ROR1: variants seen among roughly 807,000 people sequenced by gnomAD.
The protein encoded by ROR1 is inactive tyrosine-protein kinase transmembrane receptor ROR1.
ROR1 carries 19 observed loss-of-function variants against 78.8 expected under a neutral mutation model. That is an observed-to-expected ratio of 0.24 (90% CI 0.17 to 0.35). ROR1 has a LOEUF of 0.35. Among genes scored for constraint, ROR1 ranks in the 10% least tolerant of loss-of-function variants. The probability of loss-of-function intolerance (pLI) is 1.00; values close to 1 mark genes in which losing one functional copy is unlikely to be tolerated. For synonymous variants in ROR1, 386 were observed against 433.6 expected, an observed-to-expected ratio of 0.89 and a Z score of 1.36; for missense variants, 917 against 1,177.8, an observed-to-expected ratio of 0.78 and a Z score of 3.24.
intron 4 of ROR1, among the ~76,000 whole-genome samples, chr1:64,074,561 C>G (rs1332641661): frequency 1.3e-5 from 2 of 152,116 alleles, no homozygotes; most frequent in African/African-American, 4.8e-5. Context: ...GATCTGTGGA[C>G]AAGAAATGAA....
intron 1 of ROR1, among the ~76,000 whole-genome samples, chr1:63,803,009 CT>C (rs935308651): frequency 6.6e-5 from 10 of 152,214 alleles, no homozygotes; most frequent in Non-Finnish European, 1.3e-4. Flanking sequence ...TTGCACTCTT[CT>C]TTTTGTACTA....
In ROR1 at chr1:64,179,004, G is replaced by A; in HGVS notation, c.*149G>A. 1 of 336,414 alleles carries A rather than the reference G, an allele frequency of 3.0e-6. No homozygotes were observed. Among genetic ancestry groups the A allele is most frequent in the Non-Finnish European group, 5.2e-6 (1 of 192,322 alleles). 20.8% of individuals were successfully genotyped at this position (336,414 alleles called of 1,614,324 possible). A position where few individuals can be genotyped will look rare whatever the true frequency, so the allele number is the denominator to read the frequency against. Reference sequence around the variant, plus strand: ...GTGAAGTTTCACTGTGTCTTACCAAGCAGGACAGACACTCGGCCAGAAAAA... The same window carrying A: ...GTGAAGTTTCACTGTGTCTTACCAAACAGGACAGACACTCGGCCAGAAAAA... On this transcript the variant is annotated 3_prime_UTR_variant, in exon 9 of 9. Coordinates refer to ENST00000371079, the MANE Select transcript of ROR1 (RefSeq NM_005012.4).
At chr1:63,788,824 G>A in intron 1 of ROR1, 1 of 651,396 alleles carries the variant, frequency 1.5e-6, no homozygotes, top group East Asian at 3.2e-5. Flanking sequence ...AGACCTCTGG[G>A]CCTCAACCTG....
At chr1:64,154,261 G>A (rs889744314) in intron 7 of ROR1, among the ~76,000 whole-genome samples, 2 of 152,170 alleles carry the variant, frequency 1.3e-5, no homozygotes, top group Non-Finnish European at 2.9e-5. Flanking sequence ...TCTCTCTCTC[G>A]CCTTCCAGGC....
intron 1 of ROR1, among the ~76,000 whole-genome samples, chr1:63,879,691 A>G (rs2100372169): frequency 6.6e-6 from 1 of 152,258 alleles, no homozygotes; most frequent in Middle Eastern, 3.4e-3. Context: ...TGTTTAATCC[A>G]CCATTTTTCA....
At chr1:63,841,374 C>T (rs1645048537) in intron 1 of ROR1, among the ~76,000 whole-genome samples, 1 of 152,206 alleles carries the variant, frequency 6.6e-6, no homozygotes. Flanking sequence ...GTTCCTTAAA[C>T]ATAGTAGGTC....
At chr1:63,841,057 A>G (rs1645046830) in intron 1 of ROR1, among the ~76,000 whole-genome samples, 1 of 152,154 alleles carries the variant, frequency 6.6e-6, no homozygotes, top group Non-Finnish European at 1.5e-5. Context: ...TTCCCCAACT[A>G]GTTTATCATG....
intron 4 of ROR1, among the ~76,000 whole-genome samples, chr1:64,111,737 A>G (rs553705204): frequency 1.3e-5 from 2 of 152,346 alleles, no homozygotes; most frequent in Admixed American, 1.3e-4. Context: ...AGAGGGAAAA[A>G]GTGGAATTAA....
intron 2 of ROR1, among the ~76,000 whole-genome samples, chr1:64,035,736 A>C (rs2100575140): frequency 6.6e-6 from 1 of 152,308 alleles, no homozygotes; most frequent in Non-Finnish European, 1.5e-5. Context: ...AGATTCATAA[A>C]GAGAATTAGA....
At chr1:63,932,688 G>A (rs1224884177) in intron 1 of ROR1, among the ~76,000 whole-genome samples, 1 of 152,164 alleles carries the variant, frequency 6.6e-6, no homozygotes, top group Non-Finnish European at 1.5e-5. Flanking sequence ...CTGCTTTATA[G>A]AAGGGAAAAC....
chr1:64,149,205 G>C (rs1280478748), intron 7 of ROR1, among the ~76,000 whole-genome samples: 2 of 152,144 alleles, frequency 1.3e-5, no homozygotes, highest in African/African-American at 4.8e-5. Flanking sequence ...AATCCACACG[G>C]TAAACACAAG....
At position 64,090,286 on chromosome 1, in the gene ROR1, G is replaced by A. The variant is rs544825296; in HGVS notation, c.482+39570G>A. On this transcript the variant is annotated intron_variant, in intron 4 of 8. Transcript: ENST00000371079. ...ACACTGACAGTGAGTCATGTGACAG[G>A]CCTTGGGAAAAAAACATAATTGTGT... Among the ~76,000 whole-genome samples, 103 of 152,210 alleles carry A rather than the reference G, an allele frequency of 6.8e-4. 2 individuals carry two copies. The South Asian group carries it at 0.021, about 31-fold the overall frequency.
At position 64,067,075 on chromosome 1, in the gene ROR1, C is replaced by T. The variant is rs562841894; in HGVS notation, c.482+16359C>T. On this transcript the variant is annotated intron_variant, in intron 4 of 8. Transcript: ENST00000371079. Reference sequence around the variant, plus strand: ...TTTCATGGAAATACTTGAGGCCAGGCGCAGTGGCTCACGCCTGTTATCCCA... The same window carrying T: ...TTTCATGGAAATACTTGAGGCCAGGTGCAGTGGCTCACGCCTGTTATCCCA... Among the ~76,000 whole-genome samples the T allele has an allele frequency of 3.9e-5, 6 of 152,120 alleles. No individual in the cohort carries two copies. The South Asian group carries it at 1.0e-3, about 26-fold the overall frequency.
chr1:64,100,413 A>G (rs1647481794), intron 4 of ROR1, among the ~76,000 whole-genome samples: 1 of 152,070 alleles, frequency 6.6e-6, no homozygotes, highest in Non-Finnish European at 1.5e-5. Flanking sequence ...GCTTGAACCC[A>G]GGAGGTTGAG....
At chr1:63,820,760 A>T (rs1012694396) in intron 1 of ROR1, among the ~76,000 whole-genome samples, 4 of 152,186 alleles carry the variant, frequency 2.6e-5, no homozygotes, top group African/African-American at 9.7e-5. Context: ...GGACTTTATA[A>T]GTCTTTTTCT....
At chr1:64,092,824 T>C (rs1036313756) in intron 4 of ROR1, among the ~76,000 whole-genome samples, 5 of 152,184 alleles carry the variant, frequency 3.3e-5, no homozygotes, top group African/African-American at 1.2e-4. Context: ...GCATTTCTTA[T>C]CAAGAGAATA....
chr1:63,952,208 G>A (rs1386234918), intron 1 of ROR1, among the ~76,000 whole-genome samples: 1 of 152,188 alleles, frequency 6.6e-6, no homozygotes, highest in Admixed American at 6.5e-5. Flanking sequence ...TGGAGGAGGT[G>A]AGAGAGTGGG....
intron 4 of ROR1, chr1:64,111,414 A>G (rs1648090571): frequency 6.6e-6 from 1 of 152,224 alleles, no homozygotes; most frequent in South Asian, 2.1e-4. Context: ...GTGCTAATCC[A>G]GTTGACTTGT....
intron 1 of ROR1, among the ~76,000 whole-genome samples, chr1:63,812,420 C>A (rs1475144843): frequency 6.6e-6 from 1 of 152,112 alleles, no homozygotes; most frequent in Admixed American, 6.5e-5. Flanking sequence ...TACTAGCTAG[C>A]CCTTTACAGA....
Sources: gnomAD v4.1 joint callset for allele counts (sites outside exome capture counted in the v4.1 genomes callset) on GRCh38, gnomAD v4.1.1 for gene constraint, MANE v1.5 for transcripts, NCBI Gene and HGNC (gene_info 2026-07-23, HGNC 2026-07-21) for gene names.